The following EDDM13 variants were observed in gnomAD, a reference collection of about 807,000 sequenced individuals.
EDDM13 encodes epididymal protein 13.
EDDM13 carries 24 observed loss-of-function variants against 17.8 expected under a neutral mutation model. The ratio of observed to expected loss-of-function variants is 1.35; its 90% CI spans 0.98 to 1.90. EDDM13 has a LOEUF of 1.90. EDDM13 is among the 40% of genes most tolerant of loss of function. The pLI is 0.00. For missense variants in EDDM13, 97 were observed against 100.8 expected, an observed-to-expected ratio of 0.96 and a Z score of 0.16; for synonymous variants, 31 against 37.5, an observed-to-expected ratio of 0.83 and a Z score of 0.63.
intron 11 of EDDM13, among the ~76,000 whole-genome samples, 197 bp from the exon 12 acceptor site, chr19:56,297,308 A>G (rs1190881294): frequency 1.3e-5 from 2 of 151,834 alleles, no homozygotes; most frequent in African/African-American, 4.8e-5. Context: ...TTTGGTCTCC[A>G]CCCACTTCAT....
intron 6 of EDDM13, chr19:56,286,734 G>C (rs2039153093): frequency 1.3e-5 from 2 of 152,322 alleles, no homozygotes; most frequent in East Asian, 1.9e-4. Context: ...GAATTGGAGA[G>C]AGAAAACCTT....
chr19:56,289,561 G>C (rs2039373549), intron 8 of EDDM13, among the ~76,000 whole-genome samples: 2 of 152,150 alleles, frequency 1.3e-5, no homozygotes, highest in South Asian at 4.1e-4. Context: ...AAAACTGTAT[G>C]GCACATAGTT....
intron 6 of EDDM13, among the ~76,000 whole-genome samples, chr19:56,285,759 A>G (rs11880422): frequency 0.19 from 29,158 of 151,766 alleles, 2,930 homozygotes; most frequent in Middle Eastern, 0.35. Context: ...GATTACAGGC[A>G]TGAGCCATCA....
At position 56,272,952 on chromosome 19, in the gene EDDM13, T is replaced by C. The variant is rs572033862; in HGVS notation, c.85+33T>C. ...TTCCAGCCATGCCTTGTGTCCTCTA[T>C]GTATTTTCTTACAACTTGGGAGGCT... On this transcript the variant is annotated intron_variant, in intron 1 of 14. Transcript: ENST00000649256. 5.4e-5 allele frequency: 51 copies of C among 943,386 alleles called. No individual in the cohort carries two copies. In the South Asian group the frequency reaches 2.1e-3, roughly 39 times the overall value. The allele number at this position is 943,386 out of a possible 1,614,324, so 58.4% of individuals were successfully genotyped here.
chr19:56,291,052 G>T (rs1395944139), intron 9 of EDDM13, among the ~76,000 whole-genome samples: 1 of 152,214 alleles, frequency 6.6e-6, no homozygotes, highest in African/African-American at 2.4e-5. Context: ...CCGTGAGGGT[G>T]TGTCTGGGAT....
At chr19:56,287,049 AT>A (rs1429198599) in intron 6 of EDDM13, among the ~76,000 whole-genome samples, 10 of 152,238 alleles carry the variant, frequency 6.6e-5, no homozygotes, top group Non-Finnish European at 1.3e-4. Context: ...GTGAAAGTGG[AT>A]TTGACTCCTT....
chr19:56,297,375 T>TC (rs1331591779), intron 11 of EDDM13, 130 bp from the exon 12 acceptor site: 1 of 167,492 alleles, frequency 6.0e-6, no homozygotes, highest in Non-Finnish European at 1.2e-5. Context: ...TTCCTCTTCC[T>TC]CCCTCCCTCT....
Position 56,284,207 on chromosome 19 carries a change from G to A in EDDM13, c.127+1G>A, listed in dbSNP as rs773946102. On this transcript the variant is annotated splice_donor_variant, in intron 5 of 14. Coordinates refer to ENST00000649256, the MANE Select transcript of EDDM13 (RefSeq NM_001354658.2). LOFTEE classifies it high-confidence loss of function. ...GATGGGCTGCCATCAGGGATCATAG[G>A]TAAGTACCTTGCCACTTCACAATGC... 1 of 981,068 alleles carries A rather than the reference G, an allele frequency of 1.0e-6. No individual in the cohort carries two copies. The highest frequency in any genetic ancestry group is 1.2e-6 in the Non-Finnish European group (1 of 829,726). The allele number at this position is 981,068 out of a possible 1,614,324, so 60.8% of individuals were successfully genotyped here.
chr19:56,303,201 C>T (rs149493110), intron 13 of EDDM13, among the ~76,000 whole-genome samples: 4 of 152,204 alleles, frequency 2.6e-5, no homozygotes, highest in East Asian at 1.9e-4. Flanking sequence ...CAAGCCAGGC[C>T]GGGCACGGTG....
chr19:56,282,026 C>T (rs2038749529), intron 3 of EDDM13, among the ~76,000 whole-genome samples: 1 of 152,276 alleles, frequency 6.6e-6, no homozygotes, highest in South Asian at 2.1e-4. Flanking sequence ...TGACCTACCA[C>T]AATCTAGGGG....
In EDDM13 at chr19:56,310,311, G is replaced by A. The variant is rs2040957005; in HGVS notation, c.*163G>A. Reference sequence around the variant, plus strand: ...GTGCCCAGAGGCATGGCCAGAAGGTGTCTGTGGGGGCCATGCCTTAGGGGG... The same window carrying A: ...GTGCCCAGAGGCATGGCCAGAAGGTATCTGTGGGGGCCATGCCTTAGGGGG... On this transcript the variant is annotated 3_prime_UTR_variant, in exon 15 of 15. Coordinates refer to ENST00000649256, the MANE Select transcript of EDDM13 (RefSeq NM_001354658.2). 6.6e-6 allele frequency: 1 copy of A among 152,284 alleles called. No homozygotes were observed. The highest frequency in any genetic ancestry group is 1.5e-5 in the Non-Finnish European group (1 of 68,088). 9.4% of individuals were successfully genotyped at this position (152,284 alleles called of 1,614,324 possible).
chr19:56,303,267 C>G (rs2040466017), intron 13 of EDDM13, among the ~76,000 whole-genome samples: 1 of 152,014 alleles, frequency 6.6e-6, no homozygotes, highest in Non-Finnish European at 1.5e-5. Context: ...ATCACGAGGT[C>G]AGGAGTTCAA....
chr19:56,308,470 T>G (rs1341928290), intron 14 of EDDM13, among the ~76,000 whole-genome samples: 1 of 152,088 alleles, frequency 6.6e-6, no homozygotes, highest in East Asian at 1.9e-4. Context: ...ATTACAGGCA[T>G]GCACCACCAC....
In EDDM13 at chr19:56,297,532, G is replaced by GT; in HGVS notation, c.295+2dup. On this transcript the variant is annotated splice_donor_variant, in intron 12 of 14. Coordinates refer to ENST00000649256, the MANE Select transcript of EDDM13 (RefSeq NM_001354658.2). LOFTEE classifies it high-confidence loss of function. ...GAAACAAGTGGCTGCAAGGAGGAAG[G>GT]TAAGTGCTTGGGGTCGTACCATTCC... 1.0e-6 allele frequency: 1 copy of GT among 984,922 alleles called. No homozygotes were observed. The highest frequency in any genetic ancestry group is 1.2e-6 in the Non-Finnish European group (1 of 829,762). 61.0% of individuals were successfully genotyped at this position (984,922 alleles called of 1,614,324 possible).
At chr19:56,273,466 A>AAAAAGACAG (rs80267730) in intron 1 of EDDM13, among the ~76,000 whole-genome samples, 1 of 151,742 alleles carries the variant, frequency 6.6e-6, no homozygotes, top group Non-Finnish European at 1.5e-5. Context: ...TATAGTGATG[A>AAAAAGACAG]AAATAGTTCT....
intron 2 of EDDM13, among the ~76,000 whole-genome samples, chr19:56,277,531 G>C (rs1278718449): frequency 6.6e-6 from 1 of 151,802 alleles, no homozygotes; most frequent in Non-Finnish European, 1.5e-5. Flanking sequence ...TTTCCAGGGG[G>C]TGAGGGGTGG....
chr19:56,307,018 G>A (rs12981810), intron 14 of EDDM13, among the ~76,000 whole-genome samples: 1 of 24,732 alleles, frequency 4.0e-5, no homozygotes, highest in Non-Finnish European at 6.9e-5. Flanking sequence ...TCTTCCCTCG[G>A]TATCTGCAAA....
In EDDM13 at chr19:56,301,974, C is replaced by G; in HGVS notation, c.302C>G (p.Pro101Arg). Reference protein sequence around the residue: ...ETSGCKEEVKPFSGTTPSRKP... With the variant: ...ETSGCKEEVKRFSGTTPSRKP... ...TCTCCACGGTTCTCTCCAGTTAAAC[C>G]CTTCTCAGGCACCACCCCATCCAGG... Residue 101 changes from proline (P) to arginine (R), a missense_variant, in exon 13 of 15, where the codon CCC becomes CGC. By Grantham distance (103) the Pro-to-Arg change is moderately radical. Transcript: ENST00000649256. 1.6e-6 allele frequency: 2 copies of G among 1,232,108 alleles called. No homozygotes were observed. Among genetic ancestry groups the G allele is most frequent in the Non-Finnish European group, 2.0e-6 (2 of 988,262 alleles). The allele number at this position is 1,232,108 out of a possible 1,614,324, so 76.3% of individuals were successfully genotyped here.
chr19:56,281,325 CA>C (rs1447212452), intron 2 of EDDM13, among the ~76,000 whole-genome samples: 1 of 150,766 alleles, frequency 6.6e-6, no homozygotes, highest in Non-Finnish European at 1.5e-5. Context: ...CCATGTAGTT[CA>C]AACCTGTATT....
Sources: allele counts gnomAD v4.1 joint callset (sites outside exome capture counted in the v4.1 genomes callset), GRCh38; gene constraint gnomAD v4.1.1; transcripts MANE v1.5; gene names NCBI Gene and HGNC (gene_info 2026-07-23, HGNC 2026-07-21).